AFF1: variants seen among roughly 807,000 people sequenced by gnomAD.
The protein encoded by AFF1 is ALF transcription elongation factor 1.
In AFF1, 48 loss-of-function variants were observed where a neutral mutation model predicts 121.7. The ratio of observed to expected loss-of-function variants is 0.39; its 90% CI spans 0.31 to 0.50. AFF1 has a LOEUF of 0.50. AFF1 is among the 20% of genes least tolerant of loss of function. The pLI is 0.76. For missense variants in AFF1, 1,523 were observed against 1,511.7 expected, an observed-to-expected ratio of 1.01 and a Z score of -0.12; for synonymous variants, 613 against 563.0, an observed-to-expected ratio of 1.09 and a Z score of -1.26.
At chr4:86,951,752 G>A (rs1721358125) in intron 2 of AFF1, among the ~76,000 whole-genome samples, 1 of 150,622 alleles carries the variant, frequency 6.6e-6, no homozygotes, top group Admixed American at 6.7e-5. Context: ...CTCCTGAGTA[G>A]CTGGGACTAC....
Position 87,075,514 on chromosome 4 carries a change from T to A in AFF1, c.1060-8606T>A, listed in dbSNP as rs117978752. Among the ~76,000 whole-genome samples, 145 of 152,280 alleles carry A rather than the reference T, an allele frequency of 9.5e-4. 2 individuals carry two copies. The East Asian group carries it at 0.026, about 27-fold the overall frequency. On this transcript the variant is annotated intron_variant, in intron 4 of 20. Coordinates refer to ENST00000395146, the MANE Select transcript of AFF1 (RefSeq NM_001166693.3). ...TATCCTGGAGTATTATTTCTTCATCTTCTATCTCAAGGAAGCGTACGTACA... is the reference window on the plus strand; with the variant it reads ...TATCCTGGAGTATTATTTCTTCATCATCTATCTCAAGGAAGCGTACGTACA...
intron 2 of AFF1, among the ~76,000 whole-genome samples, chr4:87,039,099 A>T: frequency 6.6e-6 from 1 of 152,218 alleles, no homozygotes; most frequent in Non-Finnish European, 1.5e-5. Flanking sequence ...CAGCCAGATG[A>T]TACCAGAGCC....
intron 4 of AFF1, chr4:87,049,718 C>T (rs750269783): frequency 1.3e-5 from 6 of 456,018 alleles, no homozygotes; most frequent in South Asian, 3.1e-5. Flanking sequence ...TGCCAGGCAG[C>T]GGCAGCTGTG....
chr4:87,124,872 A>C (rs539041528), intron 12 of AFF1, among the ~76,000 whole-genome samples, 165 bp from the exon 13 acceptor site: 1 of 152,190 alleles, frequency 6.6e-6, no homozygotes, highest in Non-Finnish European at 1.5e-5. Context: ...ACTCCCCATC[A>C]CACTCACACA....
At chr4:87,025,915 A>G (rs1728486737) in intron 2 of AFF1, among the ~76,000 whole-genome samples, 1 of 152,134 alleles carries the variant, frequency 6.6e-6, no homozygotes, top group Non-Finnish European at 1.5e-5. Flanking sequence ...CAGTATGTGC[A>G]AGACACTCCT....
chr4:87,063,589 T>C (rs1721032871), intron 4 of AFF1, among the ~76,000 whole-genome samples: 1 of 152,258 alleles, frequency 6.6e-6, no homozygotes, highest in South Asian at 2.1e-4. Context: ...GAAGTTTTAA[T>C]AGTTTTGAAT....
intron 2 of AFF1, among the ~76,000 whole-genome samples, chr4:87,000,897 T>C (rs1388898636): frequency 6.6e-6 from 1 of 152,184 alleles, no homozygotes; most frequent in Non-Finnish European, 1.5e-5. Flanking sequence ...GTTGAAAAAC[T>C]GTAAATCTTT....
chr4:86,942,005 G>A (rs900984659), intron 1 of AFF1, among the ~76,000 whole-genome samples: 1 of 151,534 alleles, frequency 6.6e-6, no homozygotes, highest in Non-Finnish European at 1.5e-5. Flanking sequence ...TTATTGAGTA[G>A]TTGAACAGAG....
intron 2 of AFF1, 24 bp from the exon 3 acceptor site, chr4:87,046,142 A>C: frequency 1.2e-6 from 2 of 1,606,378 alleles, no homozygotes; most frequent in Non-Finnish European, 1.7e-6. Context: ...TATTGTTTTC[A>C]TTCTTTTGTG....
intron 2 of AFF1, among the ~76,000 whole-genome samples, chr4:86,992,938 A>C (rs2149508144): frequency 6.6e-6 from 1 of 152,352 alleles, no homozygotes; most frequent in South Asian, 2.1e-4. Context: ...TCTTTGAGTG[A>C]GTAAGTTCTT....
At chr4:87,107,720 G>T (rs187564562) in intron 10 of AFF1, among the ~76,000 whole-genome samples, 1 of 152,182 alleles carries the variant, frequency 6.6e-6, no homozygotes, top group Non-Finnish European at 1.5e-5. Context: ...GGCTTTGTGG[G>T]CCATATATGT....
At chr4:86,994,561 A>G (rs1724968907) in intron 2 of AFF1, among the ~76,000 whole-genome samples, 1 of 152,290 alleles carries the variant, frequency 6.6e-6, no homozygotes, top group Non-Finnish European at 1.5e-5. Context: ...TGCTTCAGAA[A>G]TTATCTTTTG....
intron 2 of AFF1, among the ~76,000 whole-genome samples, chr4:86,952,935 G>T (rs972708424): frequency 7.3e-5 from 11 of 151,430 alleles, no homozygotes; most frequent in African/African-American, 2.7e-4. Context: ...TCAAACTCCT[G>T]ACCTTGTGTT....
intron 2 of AFF1, among the ~76,000 whole-genome samples, chr4:86,960,485 A>G (rs780488634): frequency 1.5e-4 from 23 of 152,266 alleles, no homozygotes; most frequent in Middle Eastern, 3.4e-3. Flanking sequence ...GTCCGTTTTT[A>G]AGTAAATTCT....
intron 2 of AFF1, among the ~76,000 whole-genome samples, chr4:87,039,292 C>T (rs1729873602): frequency 6.6e-6 from 1 of 152,190 alleles, no homozygotes; most frequent in Non-Finnish European, 1.5e-5. Context: ...CCATCCCTAC[C>T]CCCAAGAAGC....
At position 86,940,345 on chromosome 4, in the gene AFF1, A is replaced by G. The variant is rs182799200; in HGVS notation, c.-37+5105A>G. Reference sequence around the variant, plus strand: ...CCCAATTTTCCAAAGGGTTATGTGAAGAGGGGAAGAGAGCCAAGTGACACA... The same window carrying G: ...CCCAATTTTCCAAAGGGTTATGTGAGGAGGGGAAGAGAGCCAAGTGACACA... On this transcript the variant is annotated intron_variant, in intron 1 of 20. Coordinates refer to ENST00000395146, the MANE Select transcript of AFF1 (RefSeq NM_001166693.3). Among the ~76,000 whole-genome samples the G allele has an allele frequency of 2.8e-4, 42 of 152,362 alleles. No homozygotes were observed. In the South Asian group the frequency reaches 3.9e-3, roughly 14 times the overall value.
chr4:87,125,584 A>G (rs575230782), intron 13 of AFF1, among the ~76,000 whole-genome samples: 1 of 152,334 alleles, frequency 6.6e-6, no homozygotes, highest in East Asian at 1.9e-4. Flanking sequence ...AATCTGTCAG[A>G]CCACTCAGTG....
chr4:87,026,122 T>C (rs1728510582), intron 2 of AFF1, among the ~76,000 whole-genome samples: 1 of 150,056 alleles, frequency 6.7e-6, no homozygotes, highest in African/African-American at 2.5e-5. Context: ...GGAGAATTGC[T>C]TGAACCCGGG....
intron 7 of AFF1, among the ~76,000 whole-genome samples, chr4:87,092,655 ATATT>A (rs1446264578): frequency 1.3e-5 from 2 of 152,072 alleles, no homozygotes; most frequent in Non-Finnish European, 2.9e-5. Flanking sequence ...AAAACCTAAA[ATATT>A]TATTGTCTGG....
Sources: gnomAD v4.1 joint callset for allele counts (sites outside exome capture counted in the v4.1 genomes callset) on GRCh38, gnomAD v4.1.1 for gene constraint, MANE v1.5 for transcripts, NCBI Gene and HGNC (gene_info 2026-07-23, HGNC 2026-07-21) for gene names.